The following RFX7 variants were observed in gnomAD, a reference collection of about 807,000 sequenced individuals.
RFX7 encodes the protein regulatory factor X7, also known as DNA-binding protein RFX7.
A neutral mutation model predicts 111.8 loss-of-function variants in RFX7; 26 were observed. That is an observed-to-expected ratio of 0.23 (90% CI 0.17 to 0.32). RFX7 has a LOEUF of 0.32. RFX7 is among the 10% of genes least tolerant of loss of function. The probability of loss-of-function intolerance (pLI) is 1.00; values close to 1 mark genes in which losing one functional copy is unlikely to be tolerated. For synonymous variants in RFX7, 624 were observed against 624.4 expected, an observed-to-expected ratio of 1.00 and a Z score of 0.01; for missense variants, 1,573 against 1,772.9, an observed-to-expected ratio of 0.89 and a Z score of 2.02.
chr15:56,090,209 T>C lies in RFX7; in HGVS notation c.*3136A>G, dbSNP rs1316460264. The C allele has an allele frequency of 1.3e-5, 2 of 152,316 alleles. No homozygotes were observed. Among genetic ancestry groups the C allele is most frequent in the African/African-American group, 2.4e-5 (1 of 41,574 alleles). 9.4% of individuals were successfully genotyped at this position (152,316 alleles called of 1,614,324 possible). A position where few individuals can be genotyped will look rare whatever the true frequency, so the allele number is the denominator to read the frequency against. On this transcript the variant is annotated 3_prime_UTR_variant, in exon 10 of 10. Coordinates refer to ENST00000559447, the MANE Select transcript of RFX7 (RefSeq NM_022841.7). ...TTTTCTATTCAGAGCTCCAGAAATA[T>C]ACTTACCTAGGTACTCCATAGGCTA...
intron 2 of RFX7, among the ~76,000 whole-genome samples, chr15:56,220,139 G>C (rs1266987148): frequency 6.6e-6 from 1 of 152,068 alleles, no homozygotes; most frequent in Non-Finnish European, 1.5e-5. Flanking sequence ...GTGATGTTCA[G>C]CATCTTTTCA....
At chr15:56,098,455 T>C in intron 8 of RFX7, 79 bp from the exon 9 acceptor site, 1 of 1,436,058 alleles carries the variant, frequency 7.0e-7, no homozygotes, top group East Asian at 2.5e-5. Flanking sequence ...TCTTTGAGAA[T>C]GTAGCCATCT....
chr15:56,111,226 G>T (rs1160010495), intron 5 of RFX7, among the ~76,000 whole-genome samples: 3 of 148,314 alleles, frequency 2.0e-5, no homozygotes, highest in Non-Finnish European at 3.0e-5. Context: ...GTGGGGAAAA[G>T]ATTGAGAAAT....
intron 3 of RFX7, among the ~76,000 whole-genome samples, chr15:56,158,405 G>C (rs1316194810): frequency 6.6e-6 from 1 of 152,164 alleles, no homozygotes; most frequent in African/African-American, 2.4e-5. Flanking sequence ...CTTAAAATCA[G>C]ATCTTTGGCA....
intron 3 of RFX7, among the ~76,000 whole-genome samples, chr15:56,154,069 A>G (rs1380681118): frequency 6.6e-6 from 1 of 152,182 alleles, no homozygotes. Flanking sequence ...TAGGAATACA[A>G]CTTACAAGGG....
At chr15:56,110,475 C>T (rs1348465426) in intron 5 of RFX7, among the ~76,000 whole-genome samples, 2 of 127,068 alleles carry the variant, frequency 1.6e-5, no homozygotes, top group Admixed American at 7.6e-5. Context: ...GAGCCTCTGC[C>T]CTGCCGCCCC....
chr15:56,210,937 A>C (rs2043307246), intron 2 of RFX7, among the ~76,000 whole-genome samples: 1 of 152,096 alleles, frequency 6.6e-6, no homozygotes, highest in Non-Finnish European at 1.5e-5. Context: ...TAATGCTGGA[A>C]ATCAAAGACG....
rs1294831875 is a variant in RFX7, at chr15:56,094,059, G to A, written c.3669C>T (p.Ser1223=). Residue 1223 remains serine (S), a synonymous_variant, in exon 10 of 10, where the codon AGC becomes AGT. Transcript: ENST00000559447. ...TCATGACTGTCAATGGAACTGATTG[G>A]CTTCTTTGAGCTATGTTGTTGGCAC... ...DACANNIAQR[S]QSVPLTVMMQ... 8.1e-6 allele frequency: 13 copies of A among 1,613,816 alleles called. No homozygotes were observed. In the African/African-American group the frequency reaches 1.7e-4, roughly 22 times the overall value.
chr15:56,227,287 T>C (rs759845066), intron 2 of RFX7, among the ~76,000 whole-genome samples: 2 of 152,188 alleles, frequency 1.3e-5, no homozygotes, highest in Non-Finnish European at 2.9e-5. Context: ...AGACAACATA[T>C]AGTTGAGTCT....
chr15:56,137,329 C>G (rs1283716826), intron 5 of RFX7, among the ~76,000 whole-genome samples: 1 of 152,140 alleles, frequency 6.6e-6, no homozygotes, highest in Non-Finnish European at 1.5e-5. Context: ...CAACTTCTTC[C>G]TGGTTTAGTC....
chr15:56,097,431 G>A (rs1337292462), intron 9 of RFX7, among the ~76,000 whole-genome samples: 2 of 151,938 alleles, frequency 1.3e-5, no homozygotes, highest in African/African-American at 2.4e-5. Flanking sequence ...AAAAAGAAAA[G>A]CGTTTAAATT....
rs189202829 is a variant in RFX7 at position 56,170,524 on chromosome 15, C to T, written c.195+8746G>A. Among the ~76,000 whole-genome samples the T allele has an allele frequency of 4.3e-3, 658 of 152,152 alleles. 2 individuals are homozygous for T. Among genetic ancestry groups the T allele is most frequent in the Non-Finnish European group, 7.6e-3 (514 of 67,998 alleles). The stretch of plus-strand genomic sequence containing the variant: ...AGTAGAACTCACCAAGTGTGAAAAC[C>T]CAAAATGTCTCCATATATTGTCAAA... On this transcript the variant is annotated intron_variant, in intron 3 of 9. Transcript: ENST00000559447.
At chr15:56,215,365 A>C (rs1404539737) in intron 2 of RFX7, among the ~76,000 whole-genome samples, 3 of 152,228 alleles carry the variant, frequency 2.0e-5, no homozygotes, top group African/African-American at 7.2e-5. Flanking sequence ...AAGTTAAAGA[A>C]GTCCCCTTCT....
At chr15:56,139,874 A>C (rs1232820500) in intron 5 of RFX7, among the ~76,000 whole-genome samples, 3 of 152,156 alleles carry the variant, frequency 2.0e-5, no homozygotes, top group African/African-American at 4.8e-5. Context: ...AATACGCTGC[A>C]GTGTGAGGTG....
At chr15:56,099,683 T>C (rs2041727967) in intron 8 of RFX7, among the ~76,000 whole-genome samples, 1 of 152,064 alleles carries the variant, frequency 6.6e-6, no homozygotes. Flanking sequence ...CTATCGAAGG[T>C]CTTTTTTGAA....
intron 3 of RFX7, among the ~76,000 whole-genome samples, chr15:56,172,362 C>T (rs2042854581): frequency 6.6e-6 from 1 of 152,012 alleles, no homozygotes; most frequent in Non-Finnish European, 1.5e-5. Context: ...TTGTGGGTTT[C>T]AGGAAGGATT....
chr15:56,101,894 T>A (rs2041758095), intron 7 of RFX7, among the ~76,000 whole-genome samples: 1 of 152,232 alleles, frequency 6.6e-6, no homozygotes, highest in Non-Finnish European at 1.5e-5. Context: ...TATTACATGA[T>A]GACTGACTTT....
chr15:56,214,185 C>G (rs548998240), intron 2 of RFX7, among the ~76,000 whole-genome samples: 11 of 152,248 alleles, frequency 7.2e-5, no homozygotes, highest in African/African-American at 2.4e-4. Context: ...ATGGCAAGTT[C>G]CTAACTTTGT....
chr15:56,196,314 G>A (rs763360069), intron 2 of RFX7, among the ~76,000 whole-genome samples: 12 of 151,760 alleles, frequency 7.9e-5, no homozygotes, highest in Non-Finnish European at 1.5e-4. Flanking sequence ...TCTCAGTGGT[G>A]ACCGCTATCC....
Sources: allele counts gnomAD v4.1 joint callset (sites outside exome capture counted in the v4.1 genomes callset), GRCh38; gene constraint gnomAD v4.1.1; transcripts MANE v1.5; gene names NCBI Gene and HGNC (gene_info 2026-07-23, HGNC 2026-07-21).